RFX3: variants seen among roughly 807,000 people sequenced by gnomAD.
The protein encoded by RFX3 is regulatory factor X3.
RFX3 carries 14 observed loss-of-function variants against 98.6 expected under a neutral mutation model. The ratio of observed to expected loss-of-function variants is 0.14; its 90% CI spans 0.09 to 0.22. The LOEUF (loss-of-function observed/expected upper bound fraction) is 0.22, where lower values mean the gene tolerates loss of function less well. Ranked by LOEUF, RFX3 falls within the 10% of genes least tolerant of loss-of-function variation. The probability of loss-of-function intolerance (pLI) is 1.00; values close to 1 mark genes in which losing one functional copy is unlikely to be tolerated. For synonymous variants in RFX3, 383 were observed against 328.4 expected (o/e 1.17, Z -1.80); for missense variants, 639 against 926.9 (o/e 0.69, Z 4.03).
At chr9:3,339,814 A>G (rs1833653373) in intron 3 of RFX3, among the ~76,000 whole-genome samples, 1 of 152,204 alleles carries the variant, frequency 6.6e-6, no homozygotes, top group Non-Finnish European at 1.5e-5. Flanking sequence ...TATCGTGAAA[A>G]TGGCCATACT....
intron 2 of RFX3, among the ~76,000 whole-genome samples, chr9:3,353,931 T>C: frequency 6.6e-6 from 1 of 151,936 alleles, no homozygotes; most frequent in East Asian, 1.9e-4. Flanking sequence ...GACTTATGAT[T>C]TAAGCGAAAA....
intron 1 of RFX3, among the ~76,000 whole-genome samples, chr9:3,509,844 T>C (rs1031350875): frequency 1.3e-5 from 2 of 151,576 alleles, no homozygotes; most frequent in Non-Finnish European, 2.9e-5. Flanking sequence ...TGCGGAGGAG[T>C]GTGGAGGCTG....
chr9:3,358,104 G>C (rs1432940053), intron 2 of RFX3, among the ~76,000 whole-genome samples: 1 of 151,936 alleles, frequency 6.6e-6, no homozygotes, highest in Non-Finnish European at 1.5e-5. Context: ...CTGGATATTA[G>C]GGTCGTCAGT....
intron 16 of RFX3, among the ~76,000 whole-genome samples, chr9:3,228,271 G>A (rs922828264): frequency 6.6e-6 from 1 of 152,002 alleles, no homozygotes; most frequent in Non-Finnish European, 1.5e-5. Flanking sequence ...TGATTTTGTT[G>A]ATCTTGAGGT....
At chr9:3,376,682 G>T (rs898526923) in intron 2 of RFX3, among the ~76,000 whole-genome samples, 1 of 152,042 alleles carries the variant, frequency 6.6e-6, no homozygotes, top group Non-Finnish European at 1.5e-5. Flanking sequence ...GAAAATTTTT[G>T]CAATCTACTC....
At chr9:3,367,382 A>C (rs1837331647) in intron 2 of RFX3, among the ~76,000 whole-genome samples, 1 of 152,164 alleles carries the variant, frequency 6.6e-6, no homozygotes. Flanking sequence ...TAACTCAATG[A>C]GCTTGGAATG....
chr9:3,410,757 C>G (rs772244287), intron 1 of RFX3, among the ~76,000 whole-genome samples: 8 of 152,204 alleles, frequency 5.3e-5, no homozygotes, highest in Non-Finnish European at 1.0e-4. Context: ...CCAATTACCT[C>G]TTTACATATT....
At chr9:3,350,478 T>C (rs921296425) in intron 2 of RFX3, among the ~76,000 whole-genome samples, 2 of 152,152 alleles carry the variant, frequency 1.3e-5, no homozygotes, top group South Asian at 4.1e-4. Context: ...GGATGGAAAA[T>C]GGTAGACACT....
At chr9:3,421,019 CAA>C (rs145747158) in intron 1 of RFX3, 2,727 of 179,400 alleles carry the variant, frequency 0.015, no homozygotes, top group Non-Finnish European at 0.022. Context: ...TACTATGTGC[CAA>C]AAAAAAAAAA....
chr9:3,390,783 A>C (rs1840234915), intron 2 of RFX3, among the ~76,000 whole-genome samples: 1 of 152,064 alleles, frequency 6.6e-6, no homozygotes, highest in Non-Finnish European at 1.5e-5. Context: ...CATGATTGTG[A>C]GGCCTCCCCA....
At chr9:3,350,141 A>T (rs1023873860) in intron 2 of RFX3, among the ~76,000 whole-genome samples, 1 of 152,120 alleles carries the variant, frequency 6.6e-6, no homozygotes, top group African/African-American at 2.4e-5. Flanking sequence ...TAAATGGAAA[A>T]TTTCTACTTT....
chr9:3,399,809 C>T (rs527557705), intron 1 of RFX3, among the ~76,000 whole-genome samples: 154 of 151,794 alleles, frequency 1.0e-3, no homozygotes, highest in African/African-American at 3.6e-3. Flanking sequence ...ATTAGCCAGG[C>T]ATGGTGGTGC....
At chr9:3,355,120 G>C (rs909441999) in intron 2 of RFX3, among the ~76,000 whole-genome samples, 5 of 151,514 alleles carry the variant, frequency 3.3e-5, no homozygotes, top group African/African-American at 9.7e-5. Context: ...TGTCATACTA[G>C]AAAACACTGA....
At chr9:3,379,104 T>C (rs920030787) in intron 2 of RFX3, among the ~76,000 whole-genome samples, 4 of 152,128 alleles carry the variant, frequency 2.6e-5, no homozygotes, top group Non-Finnish European at 4.4e-5. Flanking sequence ...GTGCCAGACA[T>C]AGTGCATGCA....
intron 11 of RFX3, among the ~76,000 whole-genome samples, chr9:3,268,581 G>A (rs1327213682): frequency 6.6e-6 from 1 of 151,826 alleles, no homozygotes; most frequent in African/African-American, 2.4e-5. Context: ...GTATATCAAT[G>A]CATCTTATAA....
intron 6 of RFX3, among the ~76,000 whole-genome samples, chr9:3,288,533 A>G (rs545094573): frequency 6.6e-6 from 1 of 152,208 alleles, no homozygotes; most frequent in African/African-American, 2.4e-5. Context: ...TGTTCCATAC[A>G]AATTACATTC....
chr9:3,235,803 ACTACATTGGGCACAC>A (rs1819071207), intron 15 of RFX3, among the ~76,000 whole-genome samples: 1 of 152,160 alleles, frequency 6.6e-6, no homozygotes, highest in East Asian at 1.9e-4. Context: ...TACTCTTGTA[ACTACATTGGGCACAC>A]CTGGATAATC....
At chr9:3,447,493 C>T (rs1846153939) in intron 1 of RFX3, among the ~76,000 whole-genome samples, 1 of 152,138 alleles carries the variant, frequency 6.6e-6, no homozygotes, top group Non-Finnish European at 1.5e-5. Flanking sequence ...GTATAATTTT[C>T]TCAGGTTAAC....
chr9:3,510,837 A>G (rs1480862178), intron 1 of RFX3, among the ~76,000 whole-genome samples: 1 of 152,028 alleles, frequency 6.6e-6, no homozygotes, highest in Non-Finnish European at 1.5e-5. Flanking sequence ...CATACACTGT[A>G]TCTTCTATTT....
Sources: allele counts gnomAD v4.1 joint callset (sites outside exome capture counted in the v4.1 genomes callset), GRCh38; gene constraint gnomAD v4.1.1; transcripts MANE v1.5; gene names NCBI Gene and HGNC (gene_info 2026-07-23, HGNC 2026-07-21).